The following PCSK5 variants were observed in gnomAD, a reference collection of about 807,000 sequenced individuals.
PCSK5 encodes the protein prohormone convertase 5.
PCSK5 carries 129 observed loss-of-function variants against 233.2 expected under a neutral mutation model. The observed-to-expected ratio is 0.55, with a 90% CI of 0.48 to 0.64. The LOEUF is 0.64. PCSK5 is among the 30% of genes least tolerant of loss of function. The pLI is 0.00. For missense variants in PCSK5, 2,076 were observed against 2,430.1 expected (o/e 0.85, Z 3.06); for synonymous variants, 825 against 879.2 (o/e 0.94, Z 1.09).
intron 21 of PCSK5, among the ~76,000 whole-genome samples, chr9:76,231,612 T>G (rs1224260922): frequency 1.3e-5 from 2 of 152,204 alleles, no homozygotes; most frequent in African/African-American, 2.4e-5. Flanking sequence ...TTTTGGGTTT[T>G]TTTGTTTGTT....
chr9:75,999,243 A>T (rs1377091219), intron 3 of PCSK5, among the ~76,000 whole-genome samples: 1 of 151,860 alleles, frequency 6.6e-6, no homozygotes, highest in African/African-American at 2.4e-5. Flanking sequence ...TCGGTGTGTG[A>T]TGTTCCCCTC....
At chr9:76,109,894 G>A (rs1220408058) in intron 9 of PCSK5, among the ~76,000 whole-genome samples, 2 of 152,110 alleles carry the variant, frequency 1.3e-5, no homozygotes, top group South Asian at 2.1e-4. Context: ...AATAAGCATC[G>A]GGCCTCCAGC....
intron 28 of PCSK5, among the ~76,000 whole-genome samples, chr9:76,307,607 T>C (rs189103964): frequency 6.6e-6 from 1 of 152,228 alleles, no homozygotes; most frequent in African/African-American, 2.4e-5. Flanking sequence ...AAGGGAACAC[T>C]TCCAATGTTT....
chr9:76,095,633 TA>T (rs1403569379), intron 7 of PCSK5, among the ~76,000 whole-genome samples: 1 of 152,208 alleles, frequency 6.6e-6, no homozygotes, highest in Non-Finnish European at 1.5e-5. Context: ...GCAGTTCATG[TA>T]AAACACTTTG....
chr9:75,921,675 C>T (rs1823267030), intron 1 of PCSK5, among the ~76,000 whole-genome samples: 2 of 152,076 alleles, frequency 1.3e-5, no homozygotes, highest in South Asian at 4.1e-4. Flanking sequence ...CCAGAAATTA[C>T]TTACAGATGG....
intron 24 of PCSK5, among the ~76,000 whole-genome samples, chr9:76,265,723 C>T (rs576933721): frequency 1.2e-4 from 18 of 152,054 alleles, no homozygotes; most frequent in African/African-American, 4.1e-4. Flanking sequence ...GGTAAAAGAC[C>T]ACAAGTATCC....
intron 12 of PCSK5, among the ~76,000 whole-genome samples, chr9:76,167,217 C>CT (rs145634256): frequency 0.061 from 9,315 of 152,250 alleles, 428 homozygotes; most frequent in South Asian, 0.11. Flanking sequence ...GAGAGGGAAC[C>CT]TTTATAGATC....
chr9:76,192,926 GAAGACAAAT>G (rs1308157435), intron 20 of PCSK5, among the ~76,000 whole-genome samples: 1 of 151,434 alleles, frequency 6.6e-6, no homozygotes, highest in East Asian at 1.9e-4. Flanking sequence ...GTATCTCAAA[GAAGACAAAT>G]TTCTTGCTTG....
chr9:76,108,584 C>G (rs1453846587), intron 9 of PCSK5, among the ~76,000 whole-genome samples: 2 of 152,192 alleles, frequency 1.3e-5, no homozygotes, highest in Admixed American at 6.5e-5. Context: ...GAAACCCCTT[C>G]TCTTCTAAAA....
chr9:76,077,475 G>T (rs1362006896), intron 7 of PCSK5, among the ~76,000 whole-genome samples: 1 of 152,032 alleles, frequency 6.6e-6, no homozygotes, highest in African/African-American at 2.4e-5. Flanking sequence ...TTTGTTACGT[G>T]GGTAAATTGT....
intron 2 of PCSK5, among the ~76,000 whole-genome samples, chr9:75,983,965 T>C (rs1465912623): frequency 6.6e-6 from 1 of 151,944 alleles, no homozygotes; most frequent in Non-Finnish European, 1.5e-5. Flanking sequence ...CCAGGCAAAA[T>C]ACATGGTATT....
In PCSK5 at chr9:76,359,758, C is replaced by A. The variant is rs1830395427; in HGVS notation, c.*836C>A. Reference sequence around the variant, plus strand: ...AATAAAAGAAAAATGGCAGTGTTAACCTAACATAAAATGGAATAAAATGAC... The same window carrying A: ...AATAAAAGAAAAATGGCAGTGTTAAACTAACATAAAATGGAATAAAATGAC... On this transcript the variant is annotated 3_prime_UTR_variant, in exon 38 of 38. Transcript: ENST00000674117. 7.0e-6 allele frequency: 1 copy of A among 143,112 alleles called. No individual in the cohort carries two copies. Among genetic ancestry groups the A allele is most frequent in the African/African-American group, 2.5e-5 (1 of 40,748 alleles). The allele number at this position is 143,112 out of a possible 1,614,324, so 8.9% of individuals were successfully genotyped here.
At chr9:76,060,775 C>T (rs564409593) in intron 5 of PCSK5, among the ~76,000 whole-genome samples, 4 of 151,994 alleles carry the variant, frequency 2.6e-5, no homozygotes, top group Admixed American at 6.6e-5. Context: ...TATTTGTGAT[C>T]AAATACCTAA....
chr9:75,983,428 T>C (rs948918425), intron 2 of PCSK5, among the ~76,000 whole-genome samples: 38 of 152,184 alleles, frequency 2.5e-4, no homozygotes, highest in African/African-American at 9.2e-4. Flanking sequence ...TTGGATCTTA[T>C]AAAGGAGGAC....
chr9:76,013,961 CTT>C (rs1827840236), intron 3 of PCSK5, among the ~76,000 whole-genome samples: 2 of 145,798 alleles, frequency 1.4e-5, no homozygotes, highest in African/African-American at 5.1e-5. Flanking sequence ...TTTTTTTTGA[CTT>C]TGAAGAAAAA....
chr9:75,941,925 C>T (rs1353474521), intron 2 of PCSK5, among the ~76,000 whole-genome samples: 1 of 152,208 alleles, frequency 6.6e-6, no homozygotes, highest in Non-Finnish European at 1.5e-5. Flanking sequence ...ATCAAAGACC[C>T]AATCTCTTAT....
intron 24 of PCSK5, among the ~76,000 whole-genome samples, chr9:76,255,345 A>T (rs1243509686): frequency 6.6e-6 from 1 of 152,210 alleles, no homozygotes; most frequent in Non-Finnish European, 1.5e-5. Context: ...GTGCAACCAG[A>T]GTTGAAAGCC....
chr9:75,915,577 C>T (rs540877382), intron 1 of PCSK5, among the ~76,000 whole-genome samples: 36 of 152,256 alleles, frequency 2.4e-4, no homozygotes, highest in African/African-American at 8.4e-4. Context: ...TTATGAAGCC[C>T]TGTTCTTTCA....
chr9:76,241,397 G>A (rs569939666), intron 24 of PCSK5, among the ~76,000 whole-genome samples: 2 of 152,162 alleles, frequency 1.3e-5, no homozygotes, highest in African/African-American at 2.4e-5. Context: ...AGCCAAGATC[G>A]TGCCATTGCA....
Sources: allele counts gnomAD v4.1 joint callset (sites outside exome capture counted in the v4.1 genomes callset), GRCh38; gene constraint gnomAD v4.1.1; transcripts MANE v1.5; gene names NCBI Gene and HGNC (gene_info 2026-07-23, HGNC 2026-07-21).